DACH2: variants seen among roughly 807,000 people sequenced by gnomAD.
The protein encoded by DACH2 is dachshund family transcription factor 2, also known as dachshund homolog 2.
DACH2 carries 17 observed loss-of-function variants against 35.8 expected under a neutral mutation model. That is an observed-to-expected ratio of 0.48 (90% CI 0.33 to 0.71). The LOEUF (loss-of-function observed/expected upper bound fraction) is 0.71, where lower values mean the gene tolerates loss of function less well. Among genes scored for constraint, DACH2 ranks in the 30% least tolerant of loss-of-function variants. The pLI is 0.02. For synonymous variants in DACH2, 195 were observed against 177.3 expected (o/e 1.10, Z -0.79); for missense variants, 469 against 472.7 (o/e 0.99, Z 0.07).
chrX:86,342,771 G>A (rs1457248591), intron 1 of DACH2, among the ~76,000 whole-genome samples: 3 of 109,692 alleles, frequency 2.7e-5, no homozygotes, highest in Non-Finnish European at 5.7e-5. Flanking sequence ...TCCAGCCTGG[G>A]TGATGGAGTG....
Position 86,698,519 on chromosome X carries a change from G to GTTTTTTTTTTTTTTTTTTTT in DACH2, c.931+3341_931+3342insTTTTTTTTTTTTTTTTTTTT, listed in dbSNP as rs1378300889. ...TTCTTCTTTTTGTTTTGTTAGTTTT[G>GTTTTTTTTTTTTTTTTTTTT]TGTTTTTTTTTTTTTTTTTTTTTTT... On this transcript the variant is annotated intron_variant, in intron 5 of 11. Transcript: ENST00000373125. Among the ~76,000 whole-genome samples, 54 of 32,079 alleles carry GTTTTTTTTTTTTTTTTTTTT rather than the reference G, an allele frequency of 1.7e-3. 8 individuals carry two copies. The highest frequency in any genetic ancestry group is 5.3e-3 in the Admixed American group (13 of 2,466). 27.9% of individuals were successfully genotyped at this position (32,079 alleles called of 115,157 possible).
intron 6 of DACH2, among the ~76,000 whole-genome samples, chrX:86,725,285 C>T (rs2041453754): frequency 1.8e-5 from 2 of 110,913 alleles, no homozygotes; most frequent in South Asian, 3.8e-4. Context: ...GTAGCTTTTT[C>T]CAAGTTTTTG....
intron 1 of DACH2, among the ~76,000 whole-genome samples, chrX:86,302,757 T>C (rs1221296659): frequency 9.1e-6 from 1 of 110,419 alleles, no homozygotes; most frequent in Non-Finnish European, 1.9e-5. Context: ...CTTACATTGT[T>C]TTTTCCTCAA....
intron 1 of DACH2, 98 bp from the exon 2 acceptor site, chrX:86,376,726 T>C: frequency 9.6e-7 from 1 of 1,047,094 alleles, no homozygotes; most frequent in Non-Finnish European, 1.2e-6. Flanking sequence ...AGATGTTTTG[T>C]GAAATATAAT....
chrX:86,817,956 A>C (rs1385192331), intron 11 of DACH2, among the ~76,000 whole-genome samples: 3 of 112,240 alleles, frequency 2.7e-5, no homozygotes, highest in African/African-American at 6.5e-5. Context: ...GATTCATCTT[A>C]AAAGGAATGA....
At chrX:86,546,727 G>C (rs1165707554) in intron 3 of DACH2, among the ~76,000 whole-genome samples, 1 of 107,629 alleles carries the variant, frequency 9.3e-6, no homozygotes, top group Non-Finnish European at 1.9e-5. Context: ...TGTTGGCCAG[G>C]ATGGTCTCAA....
At chrX:86,363,983 A>G (rs2148085313) in intron 1 of DACH2, among the ~76,000 whole-genome samples, 1 of 111,573 alleles carries the variant, frequency 9.0e-6, no homozygotes, top group South Asian at 3.7e-4. Flanking sequence ...ATGGGAAATG[A>G]GTTTCTTTCC....
chrX:86,411,174 G>A (rs1307294754), intron 2 of DACH2, among the ~76,000 whole-genome samples: 2 of 105,396 alleles, frequency 1.9e-5, no homozygotes, highest in African/African-American at 6.9e-5. Context: ...TCCGATGTTC[G>A]AGGGCAGGAA....
At chrX:86,731,145 C>T (rs12835041) in intron 6 of DACH2, among the ~76,000 whole-genome samples, 2,087 of 111,029 alleles carry the variant, frequency 0.019, 19 homozygotes, top group Non-Finnish European at 0.031. Flanking sequence ...TTACTGTTTT[C>T]GATTTTATTA....
At chrX:86,510,774 C>T (rs2038385525) in intron 2 of DACH2, among the ~76,000 whole-genome samples, 1 of 111,629 alleles carries the variant, frequency 9.0e-6, no homozygotes, top group African/African-American at 3.3e-5. Context: ...TTACAGTGTA[C>T]ATGAGTGATA....
At chrX:86,439,205 G>C (rs1372182926) in intron 2 of DACH2, among the ~76,000 whole-genome samples, 1 of 111,629 alleles carries the variant, frequency 9.0e-6, no homozygotes, top group Non-Finnish European at 1.9e-5. Context: ...TTTGGGAAAT[G>C]TCTATTCATG....
intron 2 of DACH2, among the ~76,000 whole-genome samples, chrX:86,454,386 A>G (rs1326661062): frequency 1.8e-5 from 2 of 111,382 alleles, no homozygotes; most frequent in Non-Finnish European, 3.8e-5. Flanking sequence ...ATTTGCTTCC[A>G]TTCTCCCCAT....
intron 3 of DACH2, among the ~76,000 whole-genome samples, chrX:86,579,434 T>G (rs1479559110): frequency 9.0e-6 from 1 of 110,935 alleles, no homozygotes; most frequent in Non-Finnish European, 1.9e-5. Context: ...TGAAAGCTCT[T>G]TATACATTCT....
chrX:86,561,823 T>C (rs1182970199), intron 3 of DACH2, among the ~76,000 whole-genome samples: 1 of 65,179 alleles, frequency 1.5e-5, no homozygotes, highest in African/African-American at 6.7e-5. Context: ...GTGGGTGCAG[T>C]GCACCAGCAT....
At chrX:86,209,997 C>T (rs974354214) in intron 1 of DACH2, among the ~76,000 whole-genome samples, 1 of 111,393 alleles carries the variant, frequency 9.0e-6, no homozygotes, top group Non-Finnish European at 1.9e-5. Context: ...GGTGACTGTG[C>T]TTCTTTCAAA....
chrX:86,217,049 C>T (rs1408236564), intron 1 of DACH2, among the ~76,000 whole-genome samples: 1 of 107,775 alleles, frequency 9.3e-6, no homozygotes, highest in Non-Finnish European at 1.9e-5. Context: ...TGAGATAGTG[C>T]CACTGCCTCC....
intron 2 of DACH2, among the ~76,000 whole-genome samples, chrX:86,378,680 A>G (rs2036003005): frequency 9.0e-6 from 1 of 111,472 alleles, no homozygotes; most frequent in South Asian, 3.6e-4. Context: ...GGGTCAGGAT[A>G]TAGCCCATGG....
chrX:86,802,594 C>T (rs60838273), intron 7 of DACH2, among the ~76,000 whole-genome samples: 22,943 of 105,346 alleles, frequency 0.22, 2,494 homozygotes, highest in African/African-American at 0.38. Context: ...ATGAGAAATC[C>T]GCTTTGCAGC....
intron 11 of DACH2, chrX:86,830,980 C>T (rs2042606287): frequency 9.0e-6 from 1 of 111,123 alleles, no homozygotes; most frequent in Non-Finnish European, 1.9e-5. Flanking sequence ...AAGTGAATTC[C>T]ATGGGCTTCT....
Sources: gnomAD v4.1 joint callset for allele counts (sites outside exome capture counted in the v4.1 genomes callset) on GRCh38, gnomAD v4.1.1 for gene constraint, MANE v1.5 for transcripts, NCBI Gene and HGNC (gene_info 2026-07-23, HGNC 2026-07-21) for gene names.